Variants in AGO2 observed in about 807,000 individuals in gnomAD.
AGO2 encodes the protein argonaute RISC catalytic component 2.
AGO2 carries 5 observed loss-of-function variants against 102.3 expected under a neutral mutation model. That is an observed-to-expected ratio of 0.05 (90% CI 0.03 to 0.10). AGO2 has a LOEUF of 0.10. Among genes scored for constraint, AGO2 ranks in the 10% least tolerant of loss-of-function variants. AGO2 has a pLI of 1.00. For missense variants in AGO2, 541 were observed against 1,183.7 expected (o/e 0.46, Z 7.97); for synonymous variants, 449 against 473.1 (o/e 0.95, Z 0.66).
At chr8:140,623,435 T>C (rs531853743) in intron 1 of AGO2, among the ~76,000 whole-genome samples, 1 of 152,284 alleles carries the variant, frequency 6.6e-6, no homozygotes, top group South Asian at 2.1e-4. Flanking sequence ...CCGATGTCAC[T>C]GCCACACGTC....
At chr8:140,632,621 G>C (rs139931339) in intron 1 of AGO2, among the ~76,000 whole-genome samples, 1 of 152,196 alleles carries the variant, frequency 6.6e-6, no homozygotes, top group African/African-American at 2.4e-5. Context: ...ACTAGACACA[G>C]ATCAAGACCT....
chr8:140,594,511 G>A (rs1323183337), intron 1 of AGO2, among the ~76,000 whole-genome samples: 2 of 152,044 alleles, frequency 1.3e-5, no homozygotes, highest in Non-Finnish European at 2.9e-5. Flanking sequence ...TTTTTGGCTG[G>A]GTGTGGTGTC....
intron 1 of AGO2, among the ~76,000 whole-genome samples, chr8:140,618,111 G>GGCCAACACGGTGAAACCCT (rs912822644): frequency 4.6e-5 from 7 of 152,000 alleles, no homozygotes; most frequent in African/African-American, 1.7e-4. Flanking sequence ...AGACCAGCCT[G>GGCCAACACGGTGAAACCCT]GCCAACACGG....
chr8:140,639,938 T>G (rs773044925), upstream of AGO2, among the ~76,000 whole-genome samples: 2 of 152,176 alleles, frequency 1.3e-5, no homozygotes, highest in South Asian at 2.1e-4. Context: ...ACCTTCTGCT[T>G]CTTCAGGTAA....
At chr8:140,550,226 A>AGG (rs1027723294) in intron 11 of AGO2, among the ~76,000 whole-genome samples, 3 of 152,212 alleles carry the variant, frequency 2.0e-5, no homozygotes, top group African/African-American at 7.2e-5. Context: ...GTCAGCTCTG[A>AGG]GGGCCATGCT....
Position 140,539,225 on chromosome 8 carries a change from G to T in AGO2, c.2169+95C>A. 6.7e-7 allele frequency: 1 copy of T among 1,484,978 alleles called. No individual in the cohort carries two copies. The highest frequency in any genetic ancestry group is 9.0e-7 in the Non-Finnish European group (1 of 1,113,990). 92.0% of individuals were successfully genotyped at this position (1,484,978 alleles called of 1,614,324 possible). On this transcript the variant is annotated intron_variant, in intron 16 of 18. Coordinates refer to ENST00000220592, the MANE Select transcript of AGO2 (RefSeq NM_012154.5). This position sits in a 1 kb window ranked among gnomAD's most constrained non-coding sequence, Gnocchi z 4.7. The stretch of plus-strand genomic sequence containing the variant: ...GAGTCACCCTAGAGCCTGGGACAGC[G>T]GCACTGTGGCCAGCAGGTTCTCTTG...
intron 1 of AGO2, among the ~76,000 whole-genome samples, chr8:140,619,758 A>G (rs1319626711): frequency 6.6e-6 from 1 of 152,180 alleles, no homozygotes; most frequent in Non-Finnish European, 1.5e-5. Context: ...GAATAAGCAA[A>G]CTCACTGTGG....
intron 1 of AGO2, among the ~76,000 whole-genome samples, chr8:140,627,594 G>A (rs2074293315): frequency 6.6e-6 from 1 of 152,168 alleles, no homozygotes; most frequent in Non-Finnish European, 1.5e-5. Context: ...CGGGTTAGGG[G>A]CCGCCTGGGC....
intron 16 of AGO2, among the ~76,000 whole-genome samples, chr8:140,538,687 C>T (rs1411559938): frequency 1.3e-5 from 2 of 152,234 alleles, no homozygotes; most frequent in Admixed American, 1.3e-4. Flanking sequence ...ATTCTTACGA[C>T]TGCACAGCTC....
chr8:140,583,205 G>A (rs1588477852), intron 2 of AGO2, among the ~76,000 whole-genome samples: 1 of 152,212 alleles, frequency 6.6e-6, no homozygotes, highest in Non-Finnish European at 1.5e-5. Context: ...GCAGCCCTGT[G>A]GGTTCCAGGT....
intron 1 of AGO2, among the ~76,000 whole-genome samples, chr8:140,615,412 C>A (rs1014987818): frequency 6.6e-6 from 1 of 152,272 alleles, no homozygotes; most frequent in Non-Finnish European, 1.5e-5. Context: ...AGGCCCCGGG[C>A]CCCCAGGCGG....
In AGO2 at chr8:140,539,718, G is replaced by A. The variant is rs963675199; in HGVS notation, c.2035-264C>T. On this transcript the variant is annotated intron_variant, in intron 15 of 18. Transcript: ENST00000220592. The surrounding 1 kb of genome is among the most constrained non-coding windows in gnomAD (Gnocchi z 4.7). Reference sequence around the variant, plus strand: ...AGGAGGTTGTGTGTGTGCAAGGGGCGCAGCCAACGCCAGGGATGCAGGCTG... The same window carrying A: ...AGGAGGTTGTGTGTGTGCAAGGGGCACAGCCAACGCCAGGGATGCAGGCTG... Among the ~76,000 whole-genome samples the A allele has an allele frequency of 8.5e-5, 13 of 152,252 alleles. No homozygotes were observed. The highest frequency in any genetic ancestry group is 2.9e-4 in the African/African-American group (12 of 41,474).
At chr8:140,579,612 G>A (rs534945002) in intron 2 of AGO2, among the ~76,000 whole-genome samples, 8 of 151,396 alleles carry the variant, frequency 5.3e-5, no homozygotes, top group South Asian at 2.1e-4. Flanking sequence ...ATGCCCCAGC[G>A]CACTCCTCTA....
intron 2 of AGO2, among the ~76,000 whole-genome samples, chr8:140,575,384 G>A (rs924385048): frequency 1.3e-5 from 2 of 152,096 alleles, no homozygotes; most frequent in African/African-American, 4.8e-5. Context: ...CAAGACAAGG[G>A]ATGCCCTGCA....
At chr8:140,613,248 G>A (rs920068818) in intron 1 of AGO2, among the ~76,000 whole-genome samples, 7 of 152,252 alleles carry the variant, frequency 4.6e-5, no homozygotes, top group South Asian at 2.1e-4. Flanking sequence ...TATCCCTGTC[G>A]ACAGAATGCA....
intron 16 of AGO2, among the ~76,000 whole-genome samples, chr8:140,538,571 T>A (rs2977468): frequency 0.29 from 44,434 of 152,112 alleles, 7,353 homozygotes; most frequent in African/African-American, 0.45. Context: ...CTATGAGATG[T>A]ACCATGGCGC....
At chr8:140,639,542 G>A (rs1410392656), upstream of AGO2, among the ~76,000 whole-genome samples, 1 of 150,790 alleles carries the variant, frequency 6.6e-6, no homozygotes, top group Non-Finnish European at 1.5e-5. Flanking sequence ...TCAGTGCTTT[G>A]GGAGGTCAAG....
At chr8:140,592,179 T>C (rs2073755276) in intron 1 of AGO2, 1 of 151,408 alleles carries the variant, frequency 6.6e-6, no homozygotes, top group African/African-American at 2.4e-5. Flanking sequence ...ACTGGTAAAA[T>C]GTAAGTTATC....
intron 3 of AGO2, among the ~76,000 whole-genome samples, chr8:140,565,390 G>C (rs2073264733): frequency 6.7e-6 from 1 of 148,198 alleles, no homozygotes; most frequent in East Asian, 2.0e-4. Context: ...AGTGAGCCGA[G>C]ATCGCGCCAC....
Sources: allele counts gnomAD v4.1 joint callset (sites outside exome capture counted in the v4.1 genomes callset), GRCh38; gene constraint gnomAD v4.1.1; non-coding constraint Gnocchi (gnomAD v3.1); transcripts MANE v1.5; gene names NCBI Gene and HGNC (gene_info 2026-07-23, HGNC 2026-07-21).